The following MYO1D variants were observed in gnomAD, a reference collection of about 807,000 sequenced individuals.
MYO1D encodes the protein myosin ID.
MYO1D carries 83 observed loss-of-function variants against 122.0 expected under a neutral mutation model. The ratio of observed to expected loss-of-function variants is 0.68; its 90% CI spans 0.57 to 0.82. MYO1D has a LOEUF of 0.82. Among genes scored for constraint, MYO1D ranks in the 40% least tolerant of loss-of-function variants. MYO1D has a pLI of 0.00. For synonymous variants in MYO1D, 464 were observed against 446.9 expected (o/e 1.04, Z -0.48); for missense variants, 1,157 against 1,269.5 (o/e 0.91, Z 1.35).
chr17:32,519,905 A>ATTTT (rs1483731313), intron 21 of MYO1D, among the ~76,000 whole-genome samples: 6,642 of 118,606 alleles, frequency 0.056, 410 homozygotes, highest in African/African-American at 0.19. Flanking sequence ...TTTTTTTAAA[A>ATTTT]AAAAAAACCA....
At chr17:32,804,094 C>T (rs1324783870) in intron 1 of MYO1D, among the ~76,000 whole-genome samples, 1 of 152,160 alleles carries the variant, frequency 6.6e-6, no homozygotes, top group Non-Finnish European at 1.5e-5. Flanking sequence ...TTCTTGGATG[C>T]TCAAGTTCCT....
intron 21 of MYO1D, among the ~76,000 whole-genome samples, chr17:32,552,826 T>C (rs1027976283): frequency 5.3e-5 from 8 of 152,202 alleles, no homozygotes; most frequent in Non-Finnish European, 7.3e-5. Context: ...TGCTGGAGAC[T>C]AAGCTTTACT....
intron 10 of MYO1D, chr17:32,756,293 A>T (rs7221920): frequency 2.6e-5 from 6 of 226,618 alleles, no homozygotes; most frequent in African/African-American, 1.3e-4. Context: ...AGTGTTTGGC[A>T]GAGTTGCCTT....
intron 21 of MYO1D, among the ~76,000 whole-genome samples, chr17:32,566,527 G>A (rs2150893288): frequency 6.6e-6 from 1 of 151,876 alleles, no homozygotes; most frequent in South Asian, 2.1e-4. Flanking sequence ...GTGAGGAGGT[G>A]GGGCCACATC....
At chr17:32,822,621 C>T (rs570501681) in intron 1 of MYO1D, among the ~76,000 whole-genome samples, 2 of 149,000 alleles carry the variant, frequency 1.3e-5, no homozygotes, top group Admixed American at 6.7e-5. Flanking sequence ...CGTGGCCCGC[C>T]GGCCCCCGTC....
chr17:32,796,749 T>C (rs962912454), intron 1 of MYO1D, among the ~76,000 whole-genome samples: 4 of 152,142 alleles, frequency 2.6e-5, no homozygotes, highest in Admixed American at 6.5e-5. Context: ...ATCCCACAGA[T>C]GGCTGAGGAC....
intron 21 of MYO1D, among the ~76,000 whole-genome samples, chr17:32,511,010 T>C (rs1909677774): frequency 6.7e-6 from 1 of 148,932 alleles, no homozygotes; most frequent in African/African-American, 2.5e-5. Flanking sequence ...CAAAGCCCCA[T>C]CACAAAACAA....
In MYO1D at chr17:32,638,723, T is replaced by C. The variant is rs2088144006; in HGVS notation, c.2708A>G (p.Asn903Ser). The change falls in exon 20 of 22, where the codon AAT becomes AGT. Residue 903 changes from asparagine to serine, a missense_variant and splice_region_variant. By Grantham distance (46) the Asn-to-Ser change is conservative (BLOSUM62 1). Coordinates refer to ENST00000318217, the MANE Select transcript of MYO1D (RefSeq NM_015194.3). ...YKVMKTIPLYNLTGLSVSNGK... is the reference protein window; with the variant it reads ...YKVMKTIPLYSLTGLSVSNGK... ...CAGAGAGAAGCACAGAGGACTTACA[T>C]TGTATAGAGGGATAGTCTTCATCAC... 11 of 1,602,928 alleles carry C rather than the reference T, an allele frequency of 6.9e-6. No individual in the cohort carries two copies. The highest frequency in any genetic ancestry group is 2.2e-5 in the East Asian group (1 of 44,764).
At chr17:32,723,710 C>G (rs2089538812) in intron 14 of MYO1D, among the ~76,000 whole-genome samples, 1 of 152,164 alleles carries the variant, frequency 6.6e-6, no homozygotes, top group Non-Finnish European at 1.5e-5. Flanking sequence ...AAAAGATGCT[C>G]AGTCATCCAG....
Position 32,784,296 on chromosome 17 carries a change from A to G in MYO1D, c.96-3512T>C, listed in dbSNP as rs551808992. On this transcript the variant is annotated intron_variant, in intron 1 of 21. Coordinates refer to ENST00000318217, the MANE Select transcript of MYO1D (RefSeq NM_015194.3). Reference sequence around the variant, plus strand: ...CTTCATGGTTTTGCCCATGGAGTTCATTCTGCCTCACACCTTTTCCTGGTT... The same window carrying G: ...CTTCATGGTTTTGCCCATGGAGTTCGTTCTGCCTCACACCTTTTCCTGGTT... 9.9e-5 allele frequency among the ~76,000 whole-genome samples: 15 copies of G among 152,274 alleles called. No individual in the cohort carries two copies. The South Asian group carries it at 3.1e-3, about 32-fold the overall frequency.
At chr17:32,843,886 C>G (rs9902813) in intron 1 of MYO1D, among the ~76,000 whole-genome samples, 7,985 of 152,056 alleles carry the variant, frequency 0.053, 653 homozygotes, top group African/African-American at 0.18. Flanking sequence ...TCTATATGGC[C>G]ATCTAGCAAT....
chr17:32,868,818 A>C (rs563947922), intron 1 of MYO1D, among the ~76,000 whole-genome samples: 12 of 152,300 alleles, frequency 7.9e-5, no homozygotes, highest in African/African-American at 2.6e-4. Flanking sequence ...TACGTCTCAG[A>C]GCCTGTGCTC....
intron 21 of MYO1D, among the ~76,000 whole-genome samples, chr17:32,586,094 T>A (rs143452964): frequency 1.3e-5 from 2 of 152,288 alleles, no homozygotes; most frequent in African/African-American, 2.4e-5. Flanking sequence ...CCTTTCCCCA[T>A]TGAACAGAGA....
chr17:32,495,165 G>A (rs1597855136), intron 21 of MYO1D, among the ~76,000 whole-genome samples: 1 of 152,250 alleles, frequency 6.6e-6, no homozygotes, highest in Non-Finnish European at 1.5e-5. Context: ...GGACAGTGGA[G>A]GGCCATGTGG....
At chr17:32,832,068 C>T (rs1418893197) in intron 1 of MYO1D, among the ~76,000 whole-genome samples, 2 of 151,934 alleles carry the variant, frequency 1.3e-5, no homozygotes, top group African/African-American at 4.8e-5. Flanking sequence ...CAAAAGGCCA[C>T]GAAGCGATAC....
At chr17:32,633,693 C>T (rs1027126070) in intron 20 of MYO1D, among the ~76,000 whole-genome samples, 1 of 151,894 alleles carries the variant, frequency 6.6e-6, no homozygotes, top group Non-Finnish European at 1.5e-5. Flanking sequence ...CAGCCCCCAC[C>T]CCCATCCCAG....
intron 1 of MYO1D, among the ~76,000 whole-genome samples, chr17:32,790,653 C>T (rs568593302): frequency 2.0e-4 from 30 of 152,338 alleles, no homozygotes; most frequent in African/African-American, 6.7e-4. Context: ...TAAATGGTAT[C>T]TACTCCAACT....
intron 21 of MYO1D, among the ~76,000 whole-genome samples, chr17:32,528,177 CT>C (rs1567878257): frequency 6.6e-6 from 1 of 152,330 alleles, no homozygotes; most frequent in East Asian, 1.9e-4. Flanking sequence ...CATTTGGGTT[CT>C]ACCCCACTTA....
At chr17:32,710,997 C>T (rs530518424) in intron 16 of MYO1D, among the ~76,000 whole-genome samples, 3 of 152,246 alleles carry the variant, frequency 2.0e-5, no homozygotes, top group African/African-American at 4.8e-5. Context: ...GATAACCTGG[C>T]ACTATTTATA....
Sources: gnomAD v4.1 joint callset for allele counts (sites outside exome capture counted in the v4.1 genomes callset) on GRCh38, gnomAD v4.1.1 for gene constraint, MANE v1.5 for transcripts, NCBI Gene and HGNC (gene_info 2026-07-23, HGNC 2026-07-21) for gene names.